The following FLYWCH1 variants were observed in gnomAD, a reference collection of about 807,000 sequenced individuals.
The protein encoded by FLYWCH1 is FLYWCH-type zinc finger-containing protein 1.
In FLYWCH1, 75 loss-of-function variants were observed where a neutral mutation model predicts 66.4. The ratio of observed to expected loss-of-function variants is 1.13; its 90% CI spans 0.94 to 1.37. The LOEUF (loss-of-function observed/expected upper bound fraction) is 1.37. Ranked by LOEUF, FLYWCH1 falls within the 40% of genes most tolerant of loss-of-function variation. FLYWCH1 has a pLI of 0.00. For missense variants in FLYWCH1, 1,334 were observed against 1,001.8 expected, an observed-to-expected ratio of 1.33 and a Z score of -4.48; for synonymous variants, 595 against 429.9, an observed-to-expected ratio of 1.38 and a Z score of -4.75.
At position 2,923,069 on chromosome 16, in the gene FLYWCH1, CTATT is replaced by C. The variant is rs1481762593; in HGVS notation, c.-73-6542_-73-6539del. On this transcript the variant is annotated intron_variant, in intron 2 of 9. Coordinates refer to ENST00000253928, the MANE Select transcript of FLYWCH1 (RefSeq NM_001308068.2). ...GTGTGTGTGTGGCTGTTGTGCGGAT[CTATT>C]TTTTTTATAGTTTGTTTTGTGTGTG... The C allele has an allele frequency of 1.2e-5, 5 of 415,848 alleles. No homozygotes were observed. The East Asian group carries it at 3.0e-4, about 25-fold the overall frequency. The allele number at this position is 415,848 out of a possible 1,614,324, so 25.8% of individuals were successfully genotyped here.
intron 2 of FLYWCH1, among the ~76,000 whole-genome samples, chr16:2,924,633 T>G (rs1282274285): frequency 6.6e-6 from 1 of 152,162 alleles, no homozygotes. Context: ...ATGTGTACCC[T>G]ACGCTCCTGC....
At chr16:2,932,532 G>A (rs1385759358) in intron 4 of FLYWCH1, among the ~76,000 whole-genome samples, 4 of 151,986 alleles carry the variant, frequency 2.6e-5, no homozygotes, top group Admixed American at 1.3e-4. Flanking sequence ...GCTTGGGTTC[G>A]AGGAGGCCAC....
At chr16:2,928,670 TC>T (rs760790580) in intron 2 of FLYWCH1, among the ~76,000 whole-genome samples, 20 of 152,032 alleles carry the variant, frequency 1.3e-4, no homozygotes, top group Non-Finnish European at 2.6e-4. Flanking sequence ...TCTTATGTCT[TC>T]CTTTCCTACA....
intron 9 of FLYWCH1, among the ~76,000 whole-genome samples, chr16:2,945,293 C>T (rs886816472): frequency 1.2e-4 from 18 of 151,828 alleles, no homozygotes; most frequent in East Asian, 7.8e-4. Context: ...CAAGACCGTC[C>T]GGGCTAACAC....
At chr16:2,934,951 TCTTG>T (rs1222023621) in intron 6 of FLYWCH1, 5 of 169,492 alleles carry the variant, frequency 2.9e-5, no homozygotes, top group African/African-American at 1.3e-4. Flanking sequence ...TGAGACGGAG[TCTTG>T]CTTTATCACC....
At chr16:2,939,110 C>T (rs2071149911) in intron 8 of FLYWCH1, among the ~76,000 whole-genome samples, 1 of 152,106 alleles carries the variant, frequency 6.6e-6, no homozygotes, top group Non-Finnish European at 1.5e-5. Context: ...GTCTCACTGT[C>T]ATTCATGTGA....
At position 2,938,214 on chromosome 16, in the gene FLYWCH1, C is replaced by CT; in HGVS notation, c.1810dup (p.Ser604PhefsTer58). ...CTCCGGCCCCTGGAGTTCCTGAGGA[C>CT]TTCCCTGGGGGGCAGGTTCCTGGTG... On this transcript the variant is annotated frameshift_variant, in exon 8 of 10. Transcript: ENST00000253928. LOFTEE classifies it high-confidence loss of function. The CT allele has an allele frequency of 6.2e-7, 1 of 1,613,098 alleles. No individual in the cohort carries two copies.
At position 2,933,114 on chromosome 16, in the gene FLYWCH1, T is replaced by G. The variant is rs1314035841; in HGVS notation, c.797-16T>G. ...CTCCACCCCTGGTGATGTGACCACT[T>G]GGGTCTCTCCTCTAGGACAGGCCCG... On this transcript the variant is annotated splice_polypyrimidine_tract_variant and intron_variant, in intron 4 of 9. Transcript: ENST00000253928. 6.2e-7 allele frequency: 1 copy of G among 1,605,812 alleles called. No individual in the cohort carries two copies. Among genetic ancestry groups the G allele is most frequent in the East Asian group, 2.2e-5 (1 of 44,814 alleles).
rs866480103 is a variant in FLYWCH1, at chr16:2,938,854, C to T, written c.2050+398C>T. Among the ~76,000 whole-genome samples, 207 of 151,332 alleles carry T rather than the reference C, an allele frequency of 1.4e-3. 1 individual carries two copies. Among genetic ancestry groups the T allele is most frequent in the Middle Eastern group, 6.9e-3 (2 of 290 alleles). On this transcript the variant is annotated intron_variant, in intron 8 of 9. Coordinates refer to ENST00000253928, the MANE Select transcript of FLYWCH1 (RefSeq NM_001308068.2). Reference sequence around the variant, plus strand: ...GTCTTGATCTTCTGACCTCGTGATCCGCCTGTCTTGGCCTCCCAAAGTGCT... The same window carrying T: ...GTCTTGATCTTCTGACCTCGTGATCTGCCTGTCTTGGCCTCCCAAAGTGCT...
At chr16:2,944,083 G>C (rs1303506897) in intron 9 of FLYWCH1, among the ~76,000 whole-genome samples, 1 of 152,078 alleles carries the variant, frequency 6.6e-6, no homozygotes, top group African/African-American at 2.4e-5. Flanking sequence ...CGGACGGAGA[G>C]AGAACCTGTC....
chr16:2,919,813 G>A (rs191917149), intron 2 of FLYWCH1, among the ~76,000 whole-genome samples: 2 of 152,114 alleles, frequency 1.3e-5, no homozygotes, highest in Admixed American at 6.6e-5. Context: ...TTTTACCAAG[G>A]CAATAGGAAC....
At chr16:2,921,557 TA>T (rs560093135) in intron 2 of FLYWCH1, among the ~76,000 whole-genome samples, 5 of 151,798 alleles carry the variant, frequency 3.3e-5, no homozygotes, top group African/African-American at 1.2e-4. Context: ...TTAATTTAAT[TA>T]AAAAACCAGG....
intron 2 of FLYWCH1, among the ~76,000 whole-genome samples, chr16:2,916,994 A>AT (rs1028492834): frequency 2.7e-5 from 4 of 150,922 alleles, no homozygotes; most frequent in African/African-American, 9.7e-5. Context: ...AAAAAAAAAA[A>AT]AAATAACAAA....
intron 2 of FLYWCH1, among the ~76,000 whole-genome samples, chr16:2,916,904 G>A (rs2070187093): frequency 6.6e-6 from 1 of 151,706 alleles, no homozygotes; most frequent in Non-Finnish European, 1.5e-5. Context: ...CAGCTCTTTG[G>A]GAGGCCGAGG....
At chr16:2,913,304 A>G (rs1230053980) in intron 1 of FLYWCH1, 1 of 152,302 alleles carries the variant, frequency 6.6e-6, no homozygotes, top group African/African-American at 2.4e-5. Flanking sequence ...GAAGATGGGT[A>G]TATCAGGCAT....
chr16:2,932,523 C>T (rs1339745597), intron 4 of FLYWCH1, among the ~76,000 whole-genome samples: 1 of 151,962 alleles, frequency 6.6e-6, no homozygotes, highest in African/African-American at 2.4e-5. Flanking sequence ...GGGACATGGG[C>T]TTGGGTTCGA....
At chr16:2,925,590 C>CGGGG (rs2070536701) in intron 2 of FLYWCH1, among the ~76,000 whole-genome samples, 2 of 107,336 alleles carry the variant, frequency 1.9e-5, no homozygotes, top group Non-Finnish European at 2.0e-5. Context: ...GAGGGGGGTA[C>CGGGG]GGGGCTTTCC....
rs1195108677 is a variant in FLYWCH1 at position 2,930,504 on chromosome 16, G to T, written c.420G>T (p.Gly140=). 4.6e-6 allele frequency: 7 copies of T among 1,537,744 alleles called. No homozygotes were observed. The highest frequency in any genetic ancestry group is 6.1e-6 in the Non-Finnish European group (7 of 1,147,176). The change falls in exon 4 of 10, where the codon GGG becomes GGT. Residue 140 remains glycine, a synonymous_variant. Transcript: ENST00000253928. ...SFLYKQEKAV[G]DKVYWKCRQH... ...TGTACAAGCAGGAGAAGGCAGTGGG[G>T]GACAAGGTGTACTGGAAGTGCCGCC...
chr16:2,929,842 G>T lies in FLYWCH1; in HGVS notation c.157G>T (p.Asp53Tyr). ...VLLTASDQDE[D>Y]GVGSKPQEVH... Reference sequence around the variant, plus strand: ...GCTCACAGCCTCCGACCAAGATGAGGATGGGGTGGGATCCAAGCCCCAGGA... The same window carrying T: ...GCTCACAGCCTCCGACCAAGATGAGTATGGGGTGGGATCCAAGCCCCAGGA... The change falls in exon 3 of 10, where the codon GAT becomes TAT. Residue 53 changes from aspartate to tyrosine, a missense_variant. By Grantham distance (160) the Asp-to-Tyr change is radical (BLOSUM62 -3). Transcript: ENST00000253928. The T allele has an allele frequency of 1.2e-6, 2 of 1,613,990 alleles. No individual in the cohort carries two copies. The highest frequency in any genetic ancestry group is 1.7e-6 in the Non-Finnish European group (2 of 1,179,894).
Sources: gnomAD v4.1 joint callset for allele counts (sites outside exome capture counted in the v4.1 genomes callset) on GRCh38, gnomAD v4.1.1 for gene constraint, MANE v1.5 for transcripts, NCBI Gene and HGNC (gene_info 2026-07-23, HGNC 2026-07-21) for gene names.